ASTN2: variants seen among roughly 807,000 people sequenced by gnomAD.
The protein encoded by ASTN2 is astrotactin-2.
A neutral mutation model predicts 139.8 loss-of-function variants in ASTN2; 54 were observed. That is an observed-to-expected ratio of 0.39 (90% CI 0.31 to 0.48). The LOEUF is 0.48. Among genes scored for constraint, ASTN2 ranks in the 20% least tolerant of loss-of-function variants. The probability of loss-of-function intolerance (pLI) is 0.95; values close to 1 mark genes in which losing one functional copy is unlikely to be tolerated. For synonymous variants in ASTN2, 756 were observed against 719.5 expected (o/e 1.05, Z -0.81); for missense variants, 1,565 against 1,725.1 (o/e 0.91, Z 1.64).
chr9:116,790,016 C>G (rs10983348), intron 13 of ASTN2, among the ~76,000 whole-genome samples: 26,525 of 149,980 alleles, frequency 0.18, 2,836 homozygotes, highest in Admixed American at 0.24. Flanking sequence ...ACATCTGCCT[C>G]CCTGGTTCAA....
At chr9:116,794,244 A>G (rs932046526) in intron 13 of ASTN2, among the ~76,000 whole-genome samples, 1 of 151,806 alleles carries the variant, frequency 6.6e-6, no homozygotes, top group African/African-American at 2.4e-5. Context: ...GATTACAGGC[A>G]GGCGCCACCA....
intron 10 of ASTN2, among the ~76,000 whole-genome samples, chr9:116,895,644 A>G (rs1833863443): frequency 6.6e-6 from 1 of 152,190 alleles, no homozygotes. Flanking sequence ...CCTATATTCA[A>G]CAGGACAGCA....
At chr9:117,288,066 C>T (rs769061125) in intron 2 of ASTN2, among the ~76,000 whole-genome samples, 12 of 152,208 alleles carry the variant, frequency 7.9e-5, no homozygotes, top group Non-Finnish European at 1.2e-4. Flanking sequence ...TTCCATCGCT[C>T]TGCTTTTTTT....
chr9:117,377,164 C>T (rs1054794914), intron 1 of ASTN2, among the ~76,000 whole-genome samples: 3 of 152,124 alleles, frequency 2.0e-5, no homozygotes, highest in Non-Finnish European at 2.9e-5. Flanking sequence ...GGGATTTGGC[C>T]GAAAGCCGAG....
At position 117,074,597 on chromosome 9, in the gene ASTN2, G is replaced by A. The variant is rs558382787; in HGVS notation, c.1276+21447C>T. On this transcript the variant is annotated intron_variant, in intron 5 of 22. Coordinates refer to ENST00000313400, the MANE Select transcript of ASTN2 (RefSeq NM_001365068.1). ...TGGATTTGGCTAATATTAACAGCAG[G>A]CAGGATGCGCTGTCAGAACAGCAGA... Among the ~76,000 whole-genome samples the A allele has an allele frequency of 1.7e-3, 256 of 152,274 alleles. 1 individual carries two copies. Among genetic ancestry groups the A allele is most frequent in the African/African-American group, 5.9e-3 (247 of 41,566 alleles).
At chr9:116,618,504 G>A (rs1855964875) in intron 18 of ASTN2, 32 bp from the exon 19 acceptor site, 2 of 1,584,798 alleles carry the variant, frequency 1.3e-6, no homozygotes, top group South Asian at 1.2e-5. Flanking sequence ...ATTCGTGTTT[G>A]GCAGCCAGCA....
chr9:117,159,572 A>G (rs367959330), intron 3 of ASTN2, among the ~76,000 whole-genome samples: 22 of 152,142 alleles, frequency 1.4e-4, no homozygotes, highest in Non-Finnish European at 3.1e-4. Context: ...TTTATTGAGC[A>G]TCAATTCATT....
At chr9:116,573,235 C>T (rs1299726863) in intron 19 of ASTN2, among the ~76,000 whole-genome samples, 1 of 152,224 alleles carries the variant, frequency 6.6e-6, no homozygotes, top group Non-Finnish European at 1.5e-5. Context: ...TAAGCAATGG[C>T]TATTCTTTAA....
chr9:117,007,343 T>C (rs919368867), intron 7 of ASTN2, among the ~76,000 whole-genome samples: 22 of 152,310 alleles, frequency 1.4e-4, no homozygotes, highest in East Asian at 5.8e-4. Context: ...CACTGTCCCA[T>C]AGAAATTTTC....
At chr9:117,023,439 TC>T (rs1174709363) in intron 6 of ASTN2, among the ~76,000 whole-genome samples, 1 of 152,172 alleles carries the variant, frequency 6.6e-6, no homozygotes, top group East Asian at 1.9e-4. Context: ...CTCAGAGAGA[TC>T]TTCCCTGACC....
chr9:116,438,752 C>T (rs2118863799), intron 22 of ASTN2, among the ~76,000 whole-genome samples: 1 of 152,206 alleles, frequency 6.6e-6, no homozygotes, highest in South Asian at 2.1e-4. Flanking sequence ...TGAAACCAGC[C>T]TGGCCAACTT....
intron 11 of ASTN2, among the ~76,000 whole-genome samples, chr9:116,859,380 G>T (rs538861258): frequency 8.5e-5 from 13 of 152,164 alleles, no homozygotes; most frequent in Non-Finnish European, 1.6e-4. Flanking sequence ...CAAAGGGAAG[G>T]TTACCACAGC....
At chr9:116,841,539 A>G (rs1564298951) in intron 11 of ASTN2, among the ~76,000 whole-genome samples, 1 of 152,082 alleles carries the variant, frequency 6.6e-6, no homozygotes, top group Non-Finnish European at 1.5e-5. Context: ...CATGCCCAGC[A>G]GTAGTAAAGA....
rs1002125795 is a variant in ASTN2, at chr9:116,791,878, G to C, written c.2396+13754C>G. Among the ~76,000 whole-genome samples, 14 of 152,260 alleles carry C rather than the reference G, an allele frequency of 9.2e-5. No homozygotes were observed. The South Asian group carries it at 1.7e-3, about 18-fold the overall frequency. ...GAAATTTAAAACAAAACCAAAAAAG[G>C]GGGGAAAGCGAGCTGTGAAGACAAG... On this transcript the variant is annotated intron_variant, in intron 13 of 22. Transcript: ENST00000313400.
chr9:116,774,289 T>C (rs927222781), intron 13 of ASTN2, among the ~76,000 whole-genome samples: 1 of 152,102 alleles, frequency 6.6e-6, no homozygotes, highest in Non-Finnish European at 1.5e-5. Flanking sequence ...GGTTACTCAA[T>C]GGAAGAACAA....
intron 20 of ASTN2, among the ~76,000 whole-genome samples, chr9:116,460,864 T>C (rs1848466044): frequency 6.6e-6 from 1 of 152,162 alleles, no homozygotes; most frequent in Non-Finnish European, 1.5e-5. Context: ...TTCTGTAGCG[T>C]AGATAAGATG....
At chr9:117,185,429 A>G (rs1831172292) in intron 3 of ASTN2, among the ~76,000 whole-genome samples, 1 of 152,198 alleles carries the variant, frequency 6.6e-6, no homozygotes, top group South Asian at 2.1e-4. Context: ...TGCCACATTC[A>G]CAGATGCGTG....
chr9:117,255,717 G>T (rs1041031557), intron 2 of ASTN2, among the ~76,000 whole-genome samples: 10 of 152,158 alleles, frequency 6.6e-5, no homozygotes. Flanking sequence ...GACATATTTG[G>T]CTGGAACACA....
intron 22 of ASTN2, among the ~76,000 whole-genome samples, chr9:116,435,311 C>T (rs755383536): frequency 6.6e-5 from 10 of 152,220 alleles, no homozygotes; most frequent in Admixed American, 2.6e-4. Context: ...ATCTTACCCT[C>T]TCTTATTTAC....
Sources: allele counts gnomAD v4.1 joint callset (sites outside exome capture counted in the v4.1 genomes callset), GRCh38; gene constraint gnomAD v4.1.1; transcripts MANE v1.5; gene names NCBI Gene and HGNC (gene_info 2026-07-23, HGNC 2026-07-21).